RIC8B: variants seen among roughly 807,000 people sequenced by gnomAD.
RIC8B encodes the protein RIC8 guanine nucleotide exchange factor B.
RIC8B carries 16 observed loss-of-function variants against 57.5 expected under a neutral mutation model. The observed-to-expected ratio is 0.28, with a 90% confidence interval of 0.19 to 0.42. The LOEUF (loss-of-function observed/expected upper bound fraction) is 0.42, where lower values mean the gene tolerates loss of function less well. Ranked by LOEUF, RIC8B falls within the 10% of genes least tolerant of loss-of-function variation. The pLI is 1.00. For missense variants in RIC8B, 481 were observed against 677.0 expected, an observed-to-expected ratio of 0.71 and a Z score of 3.21; for synonymous variants, 216 against 250.8, an observed-to-expected ratio of 0.86 and a Z score of 1.31.
chr12:106,883,035 G>A (rs34747), intron 9 of RIC8B, among the ~76,000 whole-genome samples: 9,424 of 152,248 alleles, frequency 0.062, 433 homozygotes, highest in Non-Finnish European at 0.098. Flanking sequence ...GTTTAGATGA[G>A]AAAGTGCTAG....
chr12:106,816,723 G>GTGGCTA (rs918818905), intron 3 of RIC8B, among the ~76,000 whole-genome samples: 2 of 152,100 alleles, frequency 1.3e-5, no homozygotes, highest in African/African-American at 4.8e-5. Context: ...TTAAAATTCA[G>GTGGCTA]TGGCTACACA....
At chr12:106,878,966 A>C (rs1950800787) in intron 9 of RIC8B, 1 of 985,650 alleles carries the variant, frequency 1.0e-6, no homozygotes, top group Admixed American at 6.2e-5. Context: ...TGGTGTTTGC[A>C]TGACTGTTGT....
intron 9 of RIC8B, 43 bp downstream of exon 9, chr12:106,870,985 G>A: frequency 6.5e-7 from 1 of 1,531,318 alleles, no homozygotes; most frequent in Non-Finnish European, 8.8e-7. Flanking sequence ...TCTAAAAATG[G>A]TCTATTTCTT....
chr12:106,877,027 CT>C (rs1950695211), intron 9 of RIC8B, among the ~76,000 whole-genome samples: 1 of 152,050 alleles, frequency 6.6e-6, no homozygotes, highest in Non-Finnish European at 1.5e-5. Flanking sequence ...TACCTGATCT[CT>C]TTTTCTCTAT....
At chr12:106,860,536 G>A in intron 8 of RIC8B, 124 bp downstream of exon 8, 1 of 736,238 alleles carries the variant, frequency 1.4e-6, no homozygotes, top group Non-Finnish European at 2.0e-6. Context: ...ATTTAATGGT[G>A]TTTTTAGAGG....
At chr12:106,776,004 G>C (rs2043459605) in intron 1 of RIC8B, among the ~76,000 whole-genome samples, 1 of 152,106 alleles carries the variant, frequency 6.6e-6, no homozygotes, top group African/African-American at 2.4e-5. Flanking sequence ...CATACTGGTG[G>C]CTGAATTCCC....
At chr12:106,870,241 C>CT (rs916534006) in intron 8 of RIC8B, among the ~76,000 whole-genome samples, 1 of 152,032 alleles carries the variant, frequency 6.6e-6, no homozygotes, top group Non-Finnish European at 1.5e-5. Flanking sequence ...GATTTCATCC[C>CT]TTTTTTTGTC....
intron 4 of RIC8B, among the ~76,000 whole-genome samples, chr12:106,826,507 A>G (rs2046104781): frequency 6.6e-6 from 1 of 152,204 alleles, no homozygotes; most frequent in Non-Finnish European, 1.5e-5. Context: ...TAAACCCAAC[A>G]CTTTGGGAGT....
At chr12:106,797,238 A>G (rs1385536446) in intron 2 of RIC8B, among the ~76,000 whole-genome samples, 1 of 152,236 alleles carries the variant, frequency 6.6e-6, no homozygotes, top group Non-Finnish European at 1.5e-5. Context: ...ATAATTGCCA[A>G]AAGATGTAAA....
chr12:106,817,824 CA>C (rs1256361414), intron 3 of RIC8B, among the ~76,000 whole-genome samples: 148 of 112,016 alleles, frequency 1.3e-3, no homozygotes, highest in South Asian at 1.3e-3. Flanking sequence ...AACACTGTCT[CA>C]AAAAAAAAAA....
At chr12:106,802,248 A>C (rs2044765335) in intron 2 of RIC8B, among the ~76,000 whole-genome samples, 1 of 152,222 alleles carries the variant, frequency 6.6e-6, no homozygotes, top group Non-Finnish European at 1.5e-5. Context: ...AATAGTGGTT[A>C]AAGAATATGT....
rs867161464 is a variant in RIC8B at position 106,820,327 on chromosome 12, A to G, written c.741+5023A>G. Among the ~76,000 whole-genome samples, 20 of 152,286 alleles carry G rather than the reference A, an allele frequency of 1.3e-4. 1 individual carries two copies. Among genetic ancestry groups the G allele is most frequent in the South Asian group, 2.1e-4 (1 of 4,822 alleles). On this transcript the variant is annotated intron_variant, in intron 3 of 9. Coordinates refer to ENST00000392837, the MANE Select transcript of RIC8B (RefSeq NM_001330145.2). ...CAGATTAATTTGGAGTTTGCTTTCCATTCAGTGGGAAATGTAGCTAGCCTT... is the reference window on the plus strand; with the variant it reads ...CAGATTAATTTGGAGTTTGCTTTCCGTTCAGTGGGAAATGTAGCTAGCCTT...
chr12:106,802,962 C>T (rs1175091281), intron 2 of RIC8B, among the ~76,000 whole-genome samples: 2 of 151,946 alleles, frequency 1.3e-5, no homozygotes, highest in African/African-American at 4.8e-5. Context: ...GCAATTCCAG[C>T]ACTTTGGGAG....
chr12:106,882,809 C>T (rs1243022219), intron 9 of RIC8B, among the ~76,000 whole-genome samples: 1 of 152,102 alleles, frequency 6.6e-6, no homozygotes, highest in Non-Finnish European at 1.5e-5. Context: ...TAATTCATAC[C>T]TTCAGAGGAG....
At chr12:106,853,879 G>A (rs1949599377) in intron 7 of RIC8B, among the ~76,000 whole-genome samples, 1 of 152,148 alleles carries the variant, frequency 6.6e-6, no homozygotes. Flanking sequence ...GAATTACAGA[G>A]ATATATAAGA....
intron 9 of RIC8B, among the ~76,000 whole-genome samples, chr12:106,884,642 G>T (rs180901352): frequency 6.6e-6 from 1 of 152,152 alleles, no homozygotes; most frequent in Non-Finnish European, 1.5e-5. Flanking sequence ...CCTGTCAGAC[G>T]TTCACATTTC....
At chr12:106,875,933 T>C (rs1220916538) in intron 9 of RIC8B, among the ~76,000 whole-genome samples, 2 of 151,762 alleles carry the variant, frequency 1.3e-5, no homozygotes, top group Admixed American at 6.6e-5. Flanking sequence ...AACTGAAAAA[T>C]AACAAATACA....
chr12:106,843,755 C>T, intron 5 of RIC8B, 97 bp from the exon 6 acceptor site: 1 of 681,426 alleles, frequency 1.5e-6, no homozygotes, highest in Non-Finnish European at 2.3e-6. Context: ...GTCCCCACCT[C>T]AAAAACAAAT....
intron 2 of RIC8B, among the ~76,000 whole-genome samples, chr12:106,812,594 G>A (rs924547775): frequency 6.6e-6 from 1 of 151,934 alleles, no homozygotes; most frequent in African/African-American, 2.4e-5. Context: ...TAAGGAGGAT[G>A]GTAGATATTT....
Sources: allele counts gnomAD v4.1 joint callset (sites outside exome capture counted in the v4.1 genomes callset), GRCh38; gene constraint gnomAD v4.1.1; transcripts MANE v1.5; gene names NCBI Gene and HGNC (gene_info 2026-07-23, HGNC 2026-07-21).